NETO1: variants seen among roughly 807,000 people sequenced by gnomAD.
NETO1 encodes neuropilin and tolloid like 1.
Under a neutral mutation model 61.3 loss-of-function variants are expected in NETO1, and 26 were observed. That is an observed-to-expected ratio of 0.42 (90% CI 0.31 to 0.59). The LOEUF is 0.59. Among genes scored for constraint, NETO1 ranks in the 20% least tolerant of loss-of-function variants. NETO1 has a pLI of 0.12. For synonymous variants in NETO1, 225 were observed against 225.8 expected, an observed-to-expected ratio of 1.00 and a Z score of 0.03; for missense variants, 531 against 662.8, an observed-to-expected ratio of 0.80 and a Z score of 2.18.
chr18:72,847,247 T>C (rs1051065440), intron 4 of NETO1, among the ~76,000 whole-genome samples: 2 of 152,232 alleles, frequency 1.3e-5, no homozygotes, highest in Non-Finnish European at 1.5e-5. Flanking sequence ...CTGCTGATTG[T>C]GAACAGTCAT....
At chr18:72,750,039 T>A (rs767086640) in intron 9 of NETO1, 23 bp downstream of exon 9, 1 of 1,509,334 alleles carries the variant, frequency 6.6e-7, no homozygotes, top group Admixed American at 2.2e-5. Flanking sequence ...ATAGTTGTCA[T>A]CAAAAAATCT....
At chr18:72,859,151 T>C (rs2074494031) in intron 3 of NETO1, 77 bp from the exon 4 acceptor site, 1 of 1,391,610 alleles carries the variant, frequency 7.2e-7, no homozygotes, top group Admixed American at 2.5e-5. Context: ...CTATTTCAGA[T>C]GTTATTTGTA....
rs377536965 is a variant in NETO1 at position 72,851,263 on chromosome 18, TA to T, written c.469+7562del. On this transcript the variant is annotated intron_variant, in intron 4 of 10. Transcript: ENST00000327305. ...CCTGTCTCTACTAAAAATACAAAAT[TA>T]GCCTGGCGTGGTGGCGCATGCTTGT... Among the ~76,000 whole-genome samples the T allele has an allele frequency of 2.2e-4, 34 of 152,052 alleles. 1 individual carries two copies. The highest frequency in any genetic ancestry group is 3.9e-4 in the Admixed American group (6 of 15,278).
intron 4 of NETO1, among the ~76,000 whole-genome samples, chr18:72,852,575 T>A (rs1398389207): frequency 6.6e-6 from 1 of 152,134 alleles, no homozygotes; most frequent in Non-Finnish European, 1.5e-5. Flanking sequence ...TTGCCACTGC[T>A]TTCAATATTC....
At chr18:72,856,544 A>G (rs1037227321) in intron 4 of NETO1, among the ~76,000 whole-genome samples, 5 of 145,020 alleles carry the variant, frequency 3.4e-5, no homozygotes, top group Non-Finnish European at 7.4e-5. Context: ...TAATTGTCTC[A>G]AACTATTCTG....
chr18:72,750,316 A>G lies in NETO1; in HGVS notation c.1287T>C (p.His429=). 1 of 1,614,100 alleles carries G rather than the reference A, an allele frequency of 6.2e-7. No individual in the cohort carries two copies. Among genetic ancestry groups the G allele is most frequent in the South Asian group, 1.1e-5 (1 of 91,072 alleles). ...ACAGCTGTGATCCACAGTGATGGTC[A>G]TGAATGCATTTGGAAGATGACCTCC... is the stretch of plus-strand genomic sequence containing the variant. ...KLRRSSSKCI[H]DHHCGSQLSS... The change falls in exon 9 of 11, where the codon CAT becomes CAC. Residue 429 remains histidine, a synonymous_variant. Coordinates refer to ENST00000327305, the MANE Select transcript of NETO1 (RefSeq NM_138966.5).
At position 72,830,311 on chromosome 18, in the gene NETO1, GC is replaced by G. The variant is rs2073533346; in HGVS notation, c.469+28514del. Among the ~76,000 whole-genome samples, 1 of 152,132 alleles carries G rather than the reference GC, an allele frequency of 6.6e-6. No individual in the cohort carries two copies. The highest frequency in any genetic ancestry group is 2.4e-5 in the African/African-American group (1 of 41,412). On this transcript the variant is annotated intron_variant, in intron 4 of 10. Transcript: ENST00000327305. The surrounding 1 kb of genome is among the most constrained non-coding windows in gnomAD (Gnocchi z 4.9). ...ATTGGCAAAGGCTGTTGAGGCTGCA[GC>G]CACACACTCAGCACCCTGGACAGCG...
intron 4 of NETO1, among the ~76,000 whole-genome samples, chr18:72,845,096 T>C (rs1217817461): frequency 6.6e-6 from 1 of 152,260 alleles, no homozygotes; most frequent in East Asian, 1.9e-4. Context: ...ACATTTTGTA[T>C]ACAGTAATAA....
chr18:72,828,563 A>G (rs2073468535), intron 4 of NETO1, among the ~76,000 whole-genome samples: 1 of 152,264 alleles, frequency 6.6e-6, no homozygotes. Context: ...AAAGTTGGCA[A>G]TATTTAAAGA....
intron 4 of NETO1, among the ~76,000 whole-genome samples, chr18:72,825,409 C>T (rs1803884710): frequency 6.6e-6 from 1 of 152,116 alleles, no homozygotes; most frequent in Non-Finnish European, 1.5e-5. Context: ...TAACTGTACT[C>T]ATATATTGTA....
chr18:72,750,137 G>A lies in NETO1; in HGVS notation c.1466C>T (p.Ala489Val). 6.2e-7 allele frequency: 1 copy of A among 1,613,668 alleles called. No homozygotes were observed. The highest frequency in any genetic ancestry group is 1.1e-5 in the South Asian group (1 of 91,058). ...CTCTTCGATTTCATCTATGTCACAG[G>A]CATCTGCAGCATCTTGCGAGTAGCT... is the stretch of plus-strand genomic sequence containing the variant. ...KHSYSQDAAD[A>V]CDIDEIEEVP... Residue 489 changes from alanine (A) to valine (V), a missense_variant, in exon 9 of 11, where the codon GCC (alanine) becomes GTC (valine). Physicochemically the swap from Ala to Val is moderately conservative, Grantham distance 64. Coordinates refer to ENST00000327305, the MANE Select transcript of NETO1 (RefSeq NM_138966.5).
intron 4 of NETO1, among the ~76,000 whole-genome samples, chr18:72,812,286 G>A (rs183785994): frequency 7.2e-5 from 11 of 152,368 alleles, no homozygotes; most frequent in Admixed American, 5.9e-4. Context: ...GTTCACAGCT[G>A]TGACCATGGA....
intron 7 of NETO1, among the ~76,000 whole-genome samples, chr18:72,762,204 A>G (rs1326096113): frequency 6.6e-6 from 1 of 151,106 alleles, no homozygotes; most frequent in East Asian, 1.9e-4. Flanking sequence ...CTTGTTGCCC[A>G]GGCTGGAGTG....
At chr18:72,823,812 G>A (rs1452326540) in intron 4 of NETO1, among the ~76,000 whole-genome samples, 1 of 152,140 alleles carries the variant, frequency 6.6e-6, no homozygotes, top group Non-Finnish European at 1.5e-5. Context: ...ACTCATTTCT[G>A]CCTTCTTGCC....
intron 4 of NETO1, among the ~76,000 whole-genome samples, chr18:72,818,088 G>A (rs754753985): frequency 2.3e-4 from 35 of 151,962 alleles, no homozygotes; most frequent in Admixed American, 6.5e-4. Context: ...ATCAGCTTTC[G>A]TAACCTTTGC....
intron 4 of NETO1, among the ~76,000 whole-genome samples, chr18:72,796,696 C>T (rs1050611095): frequency 2.6e-5 from 4 of 152,028 alleles, no homozygotes; most frequent in Non-Finnish European, 5.9e-5. Flanking sequence ...GATCTCCTGA[C>T]CTCATGATCC....
chr18:72,828,429 C>CT (rs11415212), intron 4 of NETO1, among the ~76,000 whole-genome samples: 122,373 of 152,102 alleles, frequency 0.8, 49,958 homozygotes, highest in Non-Finnish European at 0.86. Flanking sequence ...ACACAGAATA[C>CT]TACTGTAGAT....
At chr18:72,805,050 A>T (rs8086952) in intron 4 of NETO1, among the ~76,000 whole-genome samples, 4 of 152,016 alleles carry the variant, frequency 2.6e-5, no homozygotes, top group Admixed American at 2.0e-4. Flanking sequence ...ATAAATGATA[A>T]GTAAAATGTG....
rs754756369 is a variant in NETO1 at position 72,794,422 on chromosome 18, A to T, written c.470-18T>A. Reference sequence around the variant, plus strand: ...GTCAGGATCTTAAAAATTGAGAAAAAGACAATTAGTCCCATTCTACATTTA... The same window carrying T: ...GTCAGGATCTTAAAAATTGAGAAAATGACAATTAGTCCCATTCTACATTTA... On this transcript the variant is annotated intron_variant, in intron 4 of 10. Coordinates refer to ENST00000327305, the MANE Select transcript of NETO1 (RefSeq NM_138966.5). 1 of 1,603,590 alleles carries T rather than the reference A, an allele frequency of 6.2e-7. No homozygotes were observed. The highest frequency in any genetic ancestry group is 1.7e-5 in the Admixed American group (1 of 58,206).
Sources: allele counts gnomAD v4.1 joint callset (sites outside exome capture counted in the v4.1 genomes callset), GRCh38; gene constraint gnomAD v4.1.1; non-coding constraint Gnocchi (gnomAD v3.1); transcripts MANE v1.5; gene names NCBI Gene and HGNC (gene_info 2026-07-23, HGNC 2026-07-21).